The following DYRK1A variants were observed in gnomAD, a reference collection of about 807,000 sequenced individuals.
DYRK1A encodes the protein dual specificity tyrosine phosphorylation regulated kinase 1A, also known as dual specificity tyrosine-phosphorylation-regulated kinase 1A.
DYRK1A carries 9 observed loss-of-function variants against 79.7 expected under a neutral mutation model. That is an observed-to-expected ratio of 0.11 (90% CI 0.07 to 0.20). The LOEUF (loss-of-function observed/expected upper bound fraction) is 0.20, where lower values mean the gene tolerates loss of function less well. Ranked by LOEUF, DYRK1A falls within the 10% of genes least tolerant of loss-of-function variation. DYRK1A has a pLI of 1.00. For missense variants in DYRK1A, 622 were observed against 956.0 expected (o/e 0.65, Z 4.61); for synonymous variants, 349 against 329.7 (o/e 1.06, Z -0.63).
chr21:37,454,333 A>G (rs147702851), intron 2 of DYRK1A, among the ~76,000 whole-genome samples: 5 of 152,028 alleles, frequency 3.3e-5, no homozygotes, highest in African/African-American at 9.7e-5. Flanking sequence ...GGCTCAAACC[A>G]TCCTTCTGCC....
intron 1 of DYRK1A, chr21:37,367,967 C>T (rs1046913358): frequency 4.3e-5 from 7 of 162,870 alleles, no homozygotes; most frequent in Non-Finnish European, 7.9e-5. Context: ...CCTCCTCTTC[C>T]TCCTCATCCT....
intron 1 of DYRK1A, among the ~76,000 whole-genome samples, chr21:37,391,545 C>G (rs2049870307): frequency 6.6e-6 from 1 of 152,170 alleles, no homozygotes; most frequent in African/African-American, 2.4e-5. Flanking sequence ...CTTGCTGAAG[C>G]TTTAATACTC....
chr21:37,414,197 C>T (rs768247308), intron 1 of DYRK1A, among the ~76,000 whole-genome samples: 14 of 152,008 alleles, frequency 9.2e-5, no homozygotes, highest in Admixed American at 3.9e-4. Context: ...TGGTGACACC[C>T]GTTACCCAAG....
intron 9 of DYRK1A, chr21:37,503,804 G>GT (rs1175631683): frequency 6.6e-6 from 1 of 152,178 alleles, no homozygotes; most frequent in East Asian, 1.9e-4. Context: ...GAACTAAATT[G>GT]TTTATCATAA....
At chr21:37,488,688 G>A (rs1197275903) in intron 6 of DYRK1A, 1 of 985,256 alleles carries the variant, frequency 1.0e-6, no homozygotes, top group African/African-American at 1.7e-5. Context: ...ATAAAGAATT[G>A]TGAGGTCAAG....
chr21:37,373,289 A>G (rs1268894756), intron 1 of DYRK1A, among the ~76,000 whole-genome samples: 2 of 152,248 alleles, frequency 1.3e-5, no homozygotes, highest in Non-Finnish European at 2.9e-5. Flanking sequence ...TAAATATAAA[A>G]TGGCACAGTA....
intron 7 of DYRK1A, among the ~76,000 whole-genome samples, chr21:37,491,280 A>G (rs1195532377): frequency 6.6e-6 from 1 of 152,180 alleles, no homozygotes; most frequent in African/African-American, 2.4e-5. Context: ...TGTTTTATGT[A>G]TAAAATAGAA....
intron 7 of DYRK1A, among the ~76,000 whole-genome samples, chr21:37,492,289 A>G (rs1162081191): frequency 1.3e-5 from 2 of 152,184 alleles, no homozygotes; most frequent in Non-Finnish European, 2.9e-5. Context: ...TTCTGGCTGC[A>G]TGGTTTGGGT....
At chr21:37,419,588 C>A (rs933694391) in intron 1 of DYRK1A, 2 of 152,148 alleles carry the variant, frequency 1.3e-5, no homozygotes, top group Non-Finnish European at 2.9e-5. Flanking sequence ...AGTTTTCACT[C>A]AACTCCTTTA....
rs776014476 is a variant in DYRK1A at position 37,493,081 on chromosome 21, A to G, written c.989A>G (p.Asp330Gly). ...GAGGTGCTACTGGGAATGCCTTATG[A>G]CCTTGCCATTGATATGTGGTCCCTC... The part of the protein sequence containing the change: ...SPEVLLGMPY[D>G]LAIDMWSLGC... The change falls in exon 8 of 12, where the codon GAC (aspartate) becomes GGC (glycine). Residue 330 changes from aspartate (D) to glycine (G), a missense_variant. Coordinates refer to ENST00000647188, the MANE Select transcript of DYRK1A (RefSeq NM_001347721.2). 1 of 1,596,986 alleles carries G rather than the reference A, an allele frequency of 6.3e-7. No individual in the cohort carries two copies. The highest frequency in any genetic ancestry group is 8.6e-7 in the Non-Finnish European group (1 of 1,169,430).
chr21:37,517,921 T>C lies in DYRK1A; in HGVS notation c.*5390T>C, dbSNP rs1385532917. On this transcript the variant is annotated 3_prime_UTR_variant, in exon 12 of 12. Transcript: ENST00000647188. ...TACTTCTTTAATTTTAGAGACGGTG[T>C]CTGGCTTTGTCACGCAAGCTGGAGT... The C allele has an allele frequency of 6.6e-6, 1 of 152,178 alleles. No homozygotes were observed. The highest frequency in any genetic ancestry group is 2.4e-5 in the African/African-American group (1 of 41,454). The allele number at this position is 152,178 out of a possible 1,614,324, so 9.4% of individuals were successfully genotyped here. A position where few individuals can be genotyped will look rare whatever the true frequency, so the allele number is the denominator to read the frequency against.
intron 2 of DYRK1A, among the ~76,000 whole-genome samples, chr21:37,454,739 G>A (rs570742618): frequency 7.9e-5 from 12 of 152,284 alleles, no homozygotes; most frequent in Admixed American, 1.3e-4. Context: ...TTCAGTAAGT[G>A]TTGTATCTAA....
intron 2 of DYRK1A, among the ~76,000 whole-genome samples, chr21:37,445,695 AGT>A (rs930274128): frequency 3.9e-5 from 6 of 152,318 alleles, no homozygotes; most frequent in African/African-American, 1.4e-4. Context: ...TATCATGAAC[AGT>A]GTGACATTTT....
Position 37,367,025 on chromosome 21 carries a change from G to C in DYRK1A, c.-680G>C, listed in dbSNP as rs957238878. ...TTCTGCTGCTGCTGTTCCTGCTGCT[G>C]CTGTTGGTGCCGCTGCCGCCGCCGG... On this transcript the variant is annotated 5_prime_UTR_variant, in exon 1 of 12. Transcript: ENST00000647188. The C allele has an allele frequency of 6.1e-6, 1 of 163,446 alleles. No homozygotes were observed. Among genetic ancestry groups the C allele is most frequent in the Non-Finnish European group, 1.3e-5 (1 of 75,148 alleles). The allele number at this position is 163,446 out of a possible 1,614,324, so 10.1% of individuals were successfully genotyped here. A position where few individuals can be genotyped will look rare whatever the true frequency, so the allele number is the denominator to read the frequency against.
At chr21:37,441,762 C>G (rs1479080336) in intron 2 of DYRK1A, among the ~76,000 whole-genome samples, 1 of 152,040 alleles carries the variant, frequency 6.6e-6, no homozygotes, top group African/African-American at 2.4e-5. Flanking sequence ...TGTTTAAACA[C>G]TTAGATTTAA....
chr21:37,430,424 T>C (rs754662529), intron 2 of DYRK1A: 1 of 984,792 alleles, frequency 1.0e-6, no homozygotes, highest in Non-Finnish European at 1.2e-6. Flanking sequence ...TAAAAGATGA[T>C]TTAATTCTAT....
intron 2 of DYRK1A, chr21:37,421,973 A>G (rs192742925): frequency 2.0e-5 from 3 of 152,278 alleles, no homozygotes; most frequent in East Asian, 1.9e-4. Context: ...CAAAGTTTCT[A>G]TTTATCCTCA....
chr21:37,458,268 C>CTCTGTGTGTGTGTG (rs10635582), intron 2 of DYRK1A, among the ~76,000 whole-genome samples: 6 of 130,484 alleles, frequency 4.6e-5, no homozygotes, highest in South Asian at 2.8e-4. Flanking sequence ...GGGTAATTTA[C>CTCTGTGTGTGTGTG]TGTGTGTGTG....
rs545051681 is a variant in DYRK1A, at chr21:37,439,405, A to T, written c.10+19021A>T. The stretch of plus-strand genomic sequence containing the variant: ...TCTGTTTTGTTCTTTATGTTAGAGG[A>T]TCAAACAGTATGTTAGCTGTAGAGT... On this transcript the variant is annotated intron_variant, in intron 2 of 11. Coordinates refer to ENST00000647188, the MANE Select transcript of DYRK1A (RefSeq NM_001347721.2). Among the ~76,000 whole-genome samples the T allele has an allele frequency of 1.4e-3, 213 of 152,334 alleles. 1 individual carries two copies. Among genetic ancestry groups the T allele is most frequent in the African/African-American group, 4.9e-3 (204 of 41,576 alleles).
Sources: allele counts gnomAD v4.1 joint callset (sites outside exome capture counted in the v4.1 genomes callset), GRCh38; gene constraint gnomAD v4.1.1; transcripts MANE v1.5; gene names NCBI Gene and HGNC (gene_info 2026-07-23, HGNC 2026-07-21).